The following CDH5 variants were observed in gnomAD, a reference collection of about 807,000 sequenced individuals.
CDH5 encodes the protein cadherin-5.
A neutral mutation model predicts 62.0 loss-of-function variants in CDH5; 28 were observed. The observed-to-expected ratio is 0.45, with a 90% CI of 0.33 to 0.62. The LOEUF is 0.62. Ranked by LOEUF, CDH5 falls within the 20% of genes least tolerant of loss-of-function variation. The pLI is 0.02. For synonymous variants in CDH5, 464 were observed against 445.8 expected, an observed-to-expected ratio of 1.04 and a Z score of -0.52; for missense variants, 940 against 1,065.1, an observed-to-expected ratio of 0.88 and a Z score of 1.63.
rs1000052307 is a variant in CDH5, at chr16:66,390,433, C to A, written c.812C>A (p.Thr271Asn). Residue 271 changes from threonine (T) to asparagine (N), a missense_variant, in exon 6 of 12, where the codon ACC (threonine) becomes AAC (asparagine). Thr to Asn is a moderately conservative substitution (Grantham distance 65, BLOSUM62 0). Transcript: ENST00000341529. ...TKYTFVVPED[T>N]RVGTSVGSLF... ...TACACATTTGTCGTGCCTGAAGACA[C>A]CCGTGTGGGCACCTCTGTGGGCTCT... The A allele has an allele frequency of 5.0e-6, 8 of 1,613,992 alleles. No individual in the cohort carries two copies. The highest frequency in any genetic ancestry group is 1.7e-5 in the Admixed American group (1 of 60,012).
chr16:66,393,980 G>A (rs1961132015), intron 7 of CDH5, among the ~76,000 whole-genome samples: 1 of 151,992 alleles, frequency 6.6e-6, no homozygotes. Flanking sequence ...TTTCTCCTTT[G>A]ATCCAAGGGT....
At chr16:66,389,651 A>C in intron 5 of CDH5, 129 bp downstream of exon 5, 1 of 759,172 alleles carries the variant, frequency 1.3e-6, no homozygotes, top group Non-Finnish European at 2.0e-6. Context: ...CTGATGCCCA[A>C]AGGAGTCCTT....
At position 66,389,464 on chromosome 16, in the gene CDH5, G is replaced by A. The variant is rs147201423; in HGVS notation, c.723G>A (p.Thr241=). 1,216 of 1,612,972 alleles carry A rather than the reference G, an allele frequency of 7.5e-4. 4 individuals are homozygous for A. The African/African-American group carries it at 0.01, about 13-fold the overall frequency. The change falls in exon 5 of 12, where the codon ACG becomes ACA. Residue 241 remains threonine, a synonymous_variant. Coordinates refer to ENST00000341529, the MANE Select transcript of CDH5 (RefSeq NM_001795.5). The stretch of plus-strand genomic sequence containing the variant: ...AGGGCCTCCGGGGGGACTCGGGCAC[G>A]GCCACCGTGCTGGTCACTCTGCAAG... ...DAQGLRGDSG[T]ATVLVTLQDI...
intron 2 of CDH5, 109 bp from the exon 3 acceptor site, chr16:66,386,700 A>T: frequency 1.0e-6 from 1 of 954,042 alleles, no homozygotes; most frequent in Non-Finnish European, 1.6e-6. Flanking sequence ...CACCACACAC[A>T]CCACATACAC....
chr16:66,375,706 G>A (rs1166361083), intron 1 of CDH5, among the ~76,000 whole-genome samples: 2 of 151,668 alleles, frequency 1.3e-5, no homozygotes, highest in Admixed American at 6.6e-5. Context: ...AATAAACACC[G>A]TACACTTAGC....
At chr16:66,387,502 G>C (rs753812519) in intron 3 of CDH5, among the ~76,000 whole-genome samples, 1 of 152,178 alleles carries the variant, frequency 6.6e-6, no homozygotes, top group Non-Finnish European at 1.5e-5. Flanking sequence ...CCTGATCATG[G>C]ACTGAGCCCT....
Position 66,379,438 on chromosome 16 carries a change from A to C in CDH5, c.101A>C (p.Asp34Ala). The change falls in exon 2 of 12, where the codon GAC (aspartate) becomes GCC (alanine). Residue 34 changes from aspartate to alanine, a missense_variant. By Grantham distance (126) the Asp-to-Ala change is moderately radical. Coordinates refer to ENST00000341529, the MANE Select transcript of CDH5 (RefSeq NM_001795.5). The part of the protein sequence containing the change: ...AAAGANPAQR[D>A]THSLLPTHRR... ...GCAGGTGCTAACCCTGCCCAACGGG[A>C]CACCCACAGCCTGCTGCCCACCCAC... The C allele has an allele frequency of 6.2e-7, 1 of 1,614,190 alleles. No homozygotes were observed. The highest frequency in any genetic ancestry group is 8.5e-7 in the Non-Finnish European group (1 of 1,180,030).
rs766986096 is a variant in CDH5, at chr16:66,402,870, G to T, written c.2056G>T (p.Ala686Ser). 1 of 1,607,966 alleles carries T rather than the reference G, an allele frequency of 6.2e-7. No homozygotes were observed. The highest frequency in any genetic ancestry group is 1.7e-4 in the Middle Eastern group (1 of 6,048). ...GCTGGACGCCCGGCCTTCCCTCTATGCGCAGGTGCAGAAGCCACCGAGGCA... is the reference window on the plus strand; with the variant it reads ...GCTGGACGCCCGGCCTTCCCTCTATTCGCAGGTGCAGAAGCCACCGAGGCA... ...PALDARPSLY[A>S]QVQKPPRHAP... Residue 686 changes from alanine to serine, a missense_variant, in exon 12 of 12, where the codon GCG becomes TCG. Coordinates refer to ENST00000341529, the MANE Select transcript of CDH5 (RefSeq NM_001795.5).
At chr16:66,367,621 A>G (rs768781088) in intron 1 of CDH5, among the ~76,000 whole-genome samples, 9 of 152,214 alleles carry the variant, frequency 5.9e-5, no homozygotes, top group Non-Finnish European at 1.0e-4. Flanking sequence ...TTTCCAAACC[A>G]CAGTGGGGAA....
chr16:66,372,255 CG>C (rs1960705074), intron 1 of CDH5, among the ~76,000 whole-genome samples: 1 of 152,252 alleles, frequency 6.6e-6, no homozygotes, highest in Non-Finnish European at 1.5e-5. Context: ...CTCTCTCCCA[CG>C]GAAGTGGAGC....
intron 7 of CDH5, among the ~76,000 whole-genome samples, chr16:66,393,345 A>G (rs1430972165): frequency 6.6e-6 from 1 of 152,222 alleles, no homozygotes; most frequent in Non-Finnish European, 1.5e-5. Flanking sequence ...GAAATAGTTA[A>G]GACTGGGTAA....
chr16:66,402,688 G>A lies in CDH5; in HGVS notation c.1874G>A (p.Arg625Gln), dbSNP rs144347531. Residue 625 changes from arginine (R) to glutamine (Q), a missense_variant, in exon 12 of 12, where the codon CGG (arginine) becomes CAG (glutamine). Arg to Gln is a conservative substitution (Grantham distance 43). Transcript: ENST00000341529. ...TLLIFLRRRL[R>Q]KQARAHGKSV... ...CTCATCTTCCTGCGGCGGCGGCTCC[G>A]GAAGCAGGCCCGCGCGCACGGCAAG... 29 of 1,606,022 alleles carry A rather than the reference G, an allele frequency of 1.8e-5. No homozygotes were observed. The highest frequency in any genetic ancestry group is 1.5e-4 in the African/African-American group (11 of 74,826).
At chr16:66,396,015 A>C (rs1441154897) in intron 7 of CDH5, 44 bp from the exon 8 acceptor site, 2 of 1,602,502 alleles carry the variant, frequency 1.2e-6, no homozygotes, top group South Asian at 2.2e-5. Flanking sequence ...GTGTAGACTC[A>C]GCAAAGAACA....
At chr16:66,387,433 C>T (rs1361210511) in intron 3 of CDH5, among the ~76,000 whole-genome samples, 2 of 151,820 alleles carry the variant, frequency 1.3e-5, no homozygotes, top group African/African-American at 2.4e-5. Flanking sequence ...GGTCACAGAC[C>T]AAGCCCTGAT....
chr16:66,372,427 G>C (rs948794454), intron 1 of CDH5, among the ~76,000 whole-genome samples: 1 of 152,222 alleles, frequency 6.6e-6, no homozygotes, highest in South Asian at 2.1e-4. Context: ...GCAAGTGCAC[G>C]GGCAGGGAGG....
chr16:66,373,030 C>A (rs550932336), intron 1 of CDH5, among the ~76,000 whole-genome samples: 2 of 152,202 alleles, frequency 1.3e-5, no homozygotes, highest in Non-Finnish European at 2.9e-5. Flanking sequence ...AGTTGCCAAG[C>A]GTGGCCCCTC....
At chr16:66,374,512 C>G (rs751205769) in intron 1 of CDH5, among the ~76,000 whole-genome samples, 2 of 152,190 alleles carry the variant, frequency 1.3e-5, no homozygotes, top group Non-Finnish European at 2.9e-5. Flanking sequence ...AGCAGCAGGG[C>G]CCCTGCTGGA....
chr16:66,402,511 CAGGGGAAGGGGGGGCCAAAGGGA>C, intron 11 of CDH5, 118 bp from the exon 12 acceptor site: 2 of 628,162 alleles, frequency 3.2e-6, no homozygotes, highest in Non-Finnish European at 5.0e-6. Context: ...GATGGGGTTG[CAGGGGAAGGGGGGGCCAAAGGGA>C]TGGGCATGCT....
chr16:66,398,474 G>A lies in CDH5; in HGVS notation c.1504G>A (p.Ala502Thr), dbSNP rs767005229. ...VHGQLVLQIS[A>T]IDKDITPRNV... ...ACTCCAGCTGGTCCTGCAGATCTCC[G>A]CAATAGACAAGGACATAACACCACG... The change falls in exon 10 of 12, where the codon GCA becomes ACA. Residue 502 changes from alanine to threonine, a missense_variant. By Grantham distance (58) the Ala-to-Thr change is moderately conservative. Coordinates refer to ENST00000341529, the MANE Select transcript of CDH5 (RefSeq NM_001795.5). 82 of 1,606,188 alleles carry A rather than the reference G, an allele frequency of 5.1e-5. No homozygotes were observed. The highest frequency in any genetic ancestry group is 1.0e-4 in the Admixed American group (6 of 60,014).
Sources: allele counts gnomAD v4.1 joint callset (sites outside exome capture counted in the v4.1 genomes callset), GRCh38; gene constraint gnomAD v4.1.1; transcripts MANE v1.5; gene names NCBI Gene and HGNC (gene_info 2026-07-23, HGNC 2026-07-21).